ERBIN: variants seen among roughly 807,000 people sequenced by gnomAD.
ERBIN encodes the protein densin-180-like protein.
ERBIN carries 60 observed loss-of-function variants against 158.4 expected under a neutral mutation model. The ratio of observed to expected loss-of-function variants is 0.38; its 90% CI spans 0.31 to 0.47. The LOEUF (loss-of-function observed/expected upper bound fraction) is 0.47, where lower values mean the gene tolerates loss of function less well. Among genes scored for constraint, ERBIN ranks in the 20% least tolerant of loss-of-function variants. ERBIN has a pLI of 0.99. For synonymous variants in ERBIN, 594 were observed against 557.2 expected (o/e 1.07, Z -0.93); for missense variants, 1,610 against 1,648.0 (o/e 0.98, Z 0.40).
chr5:66,028,201 T>C (rs767675145), intron 13 of ERBIN, 73 bp from the exon 14 acceptor site: 221 of 1,135,114 alleles, frequency 1.9e-4, no homozygotes, highest in Non-Finnish European at 2.6e-4. Context: ...AGAAAACCTT[T>C]AGGTTGAACC....
chr5:66,009,920 G>A, intron 4 of ERBIN, among the ~76,000 whole-genome samples: 1 of 152,108 alleles, frequency 6.6e-6, no homozygotes, highest in Non-Finnish European at 1.5e-5. Flanking sequence ...AAACTGAAAA[G>A]ACCAGGGAAT....
chr5:66,070,411 TG>T (rs1761421671), intron 21 of ERBIN, among the ~76,000 whole-genome samples: 1 of 152,186 alleles, frequency 6.6e-6, no homozygotes, highest in Non-Finnish European at 1.5e-5. Flanking sequence ...CAAGAGTCCC[TG>T]GGGGTAAAGA....
chr5:66,053,717 C>G lies in ERBIN; in HGVS notation c.2399C>G (p.Ser800Cys), dbSNP rs775931023. 6.2e-7 allele frequency: 1 copy of G among 1,613,772 alleles called. No individual in the cohort carries two copies. The highest frequency in any genetic ancestry group is 8.5e-7 in the Non-Finnish European group (1 of 1,179,990). Residue 800 changes from serine to cysteine, a missense_variant, in exon 21 of 26, where the codon TCT becomes TGT. Physicochemically the swap from Ser to Cys is moderately radical, Grantham distance 112. Around this residue, in one of 2 missense-constraint regions of ERBIN, gnomAD observed 1,014 missense variants for 936.1 expected, o/e 1.08. Transcript: ENST00000284037. ...VLGTSFLSIN[S>C]KEETEHLENG... The stretch of plus-strand genomic sequence containing the variant: ...GGAACAAGCTTTTTAAGCATTAATT[C>G]TAAAGAGGAAACTGAGCACTTGGAA...
chr5:66,020,070 T>G (rs868057761), intron 7 of ERBIN, among the ~76,000 whole-genome samples: 31 of 152,056 alleles, frequency 2.0e-4, no homozygotes, highest in Non-Finnish European at 1.0e-4. Context: ...TGGGGAAAGA[T>G]ATGAGTAAGG....
In ERBIN at chr5:65,948,706, C is replaced by T. The variant is rs148326211; in HGVS notation, c.-58+21900C>T. Among the ~76,000 whole-genome samples, 413 of 147,718 alleles carry T rather than the reference C, an allele frequency of 2.8e-3. 1 individual carries two copies. Among genetic ancestry groups the T allele is most frequent in the Middle Eastern group, 0.011 (3 of 282 alleles). On this transcript the variant is annotated intron_variant, in intron 1 of 25. Transcript: ENST00000284037. ...TGATTTTTGCTACATGAGTAACAGA[C>T]AATTTCAGGACTTTATTTCCTAATG... is the stretch of plus-strand genomic sequence containing the variant.
intron 14 of ERBIN, 116 bp downstream of exon 14, chr5:66,028,459 T>C: frequency 1.8e-6 from 1 of 545,984 alleles, no homozygotes; most frequent in Non-Finnish European, 3.1e-6. Flanking sequence ...CATGTAAACA[T>C]ATCTTTTATA....
chr5:65,934,622 G>T (rs895171950), intron 1 of ERBIN, among the ~76,000 whole-genome samples: 5 of 152,034 alleles, frequency 3.3e-5, no homozygotes, highest in Non-Finnish European at 7.4e-5. Context: ...CAGGTGGCAG[G>T]CAATTTCAGT....
chr5:66,054,860 A>G lies in ERBIN; in HGVS notation c.3542A>G (p.His1181Arg). The change falls in exon 21 of 26, where the codon CAT becomes CGT. Residue 1181 changes from histidine (H) to arginine (R), a missense_variant. His to Arg is a conservative substitution (Grantham distance 29). Transcript: ENST00000284037. ...CCAAATGCAAGGGTTGGTTCTGAGC[A>G]TTCTTTATTAGATCCTCCAGGAAAA... is the stretch of plus-strand genomic sequence containing the variant. ...KRPNARVGSE[H>R]SLLDPPGKSK... The G allele has an allele frequency of 1.9e-6, 3 of 1,614,134 alleles. No homozygotes were observed. The highest frequency in any genetic ancestry group is 2.5e-6 in the Non-Finnish European group (3 of 1,179,994).
chr5:65,949,756 C>G (rs1746273178), intron 1 of ERBIN, among the ~76,000 whole-genome samples: 1 of 152,116 alleles, frequency 6.6e-6, no homozygotes, highest in African/African-American at 2.4e-5. Context: ...TGAATTTCAT[C>G]AAGTTTTCCA....
chr5:65,944,621 T>C (rs960474492), intron 1 of ERBIN, among the ~76,000 whole-genome samples: 4 of 152,166 alleles, frequency 2.6e-5, no homozygotes, highest in African/African-American at 9.7e-5. Flanking sequence ...GCCAGGCTGG[T>C]CTTGAACTCT....
chr5:65,962,280 A>G (rs1361519742), intron 1 of ERBIN, among the ~76,000 whole-genome samples: 1 of 152,196 alleles, frequency 6.6e-6, no homozygotes, highest in Non-Finnish European at 1.5e-5. Flanking sequence ...TTTTCTTCAT[A>G]AATTGCCATT....
At chr5:66,013,755 C>T in intron 6 of ERBIN, 117 bp downstream of exon 6, 2 of 610,802 alleles carry the variant, frequency 3.3e-6, no homozygotes, top group Non-Finnish European at 5.7e-6. Flanking sequence ...TTAAATTATT[C>T]CCAAGCATTG....
intron 7 of ERBIN, among the ~76,000 whole-genome samples, chr5:66,020,796 A>G (rs1327851835): frequency 6.6e-6 from 1 of 151,980 alleles, no homozygotes; most frequent in Non-Finnish European, 1.5e-5. Flanking sequence ...CTAATTTGTG[A>G]TTCATATAAA....
At chr5:65,944,210 T>A (rs1360250341) in intron 1 of ERBIN, among the ~76,000 whole-genome samples, 1 of 49,254 alleles carries the variant, frequency 2.0e-5, no homozygotes, top group Admixed American at 1.4e-4. Flanking sequence ...TAGTATTTTT[T>A]TTTTTTTTTT....
At chr5:65,971,776 C>T (rs943502669) in intron 1 of ERBIN, among the ~76,000 whole-genome samples, 4 of 152,174 alleles carry the variant, frequency 2.6e-5, no homozygotes, top group African/African-American at 9.7e-5. Flanking sequence ...GACAGACTTG[C>T]TATCTTTCAG....
rs1468853828 is a variant in ERBIN at position 66,044,209 on chromosome 5, A to G, written c.1501A>G (p.Ile501Val). 6.2e-7 allele frequency: 1 copy of G among 1,612,084 alleles called. No individual in the cohort carries two copies. Among genetic ancestry groups the G allele is most frequent in the Non-Finnish European group, 8.5e-7 (1 of 1,179,240 alleles). The change falls in exon 17 of 26, where the codon ATT becomes GTT. Residue 501 changes from isoleucine to valine, a missense_variant. By Grantham distance (29) the Ile-to-Val change is conservative (BLOSUM62 3). This residue lies in a region of ERBIN where 596 missense variants were observed against 711.9 expected (regional missense o/e 0.84). Transcript: ENST00000284037. ...LKNMVKTVQT[I>V]VHRLKDEETN... ...GAATATGGTCAAAACTGTTCAAACC[A>G]TTGTACATAGATTAAAAGATGAAGA...
intron 1 of ERBIN, among the ~76,000 whole-genome samples, chr5:65,967,238 G>GA (rs924227436): frequency 6.6e-6 from 1 of 151,866 alleles, no homozygotes; most frequent in African/African-American, 2.4e-5. Flanking sequence ...TATTATTAAA[G>GA]AAAAAAAATT....
intron 1 of ERBIN, among the ~76,000 whole-genome samples, chr5:65,962,897 A>T (rs1261391231): frequency 6.6e-6 from 1 of 152,178 alleles, no homozygotes; most frequent in African/African-American, 2.4e-5. Context: ...CATTTAGTCT[A>T]ATGCTTTTGA....
At chr5:65,995,510 CTTCA>C (rs777084000) in intron 4 of ERBIN, among the ~76,000 whole-genome samples, 12 of 151,100 alleles carry the variant, frequency 7.9e-5, no homozygotes, top group East Asian at 1.9e-4. Context: ...ATCATATTTT[CTTCA>C]TTCATTCATC....
Sources: allele counts gnomAD v4.1 joint callset (sites outside exome capture counted in the v4.1 genomes callset), GRCh38; gene constraint gnomAD v4.1.1; regional missense constraint gnomAD v4.1.1; transcripts MANE v1.5; gene names NCBI Gene and HGNC (gene_info 2026-07-23, HGNC 2026-07-21).